Variants in KCNQ1 observed in about 807,000 individuals in gnomAD.
KCNQ1 encodes potassium voltage-gated channel subfamily KQT member 1.
A neutral mutation model predicts 72.4 loss-of-function variants in KCNQ1; 49 were observed. That is an observed-to-expected ratio of 0.68 (90% confidence interval 0.54 to 0.86). The LOEUF is 0.86. Among genes scored for constraint, KCNQ1 ranks in the 40% least tolerant of loss-of-function variants. The pLI is 0.00. For synonymous variants in KCNQ1, 450 were observed against 412.6 expected (o/e 1.09, Z -1.10); for missense variants, 790 against 945.1 (o/e 0.84, Z 2.15).
rs1325968388 is a variant in KCNQ1 at position 2,815,133 on chromosome 11, C to G, written c.1795-32634C>G. On this transcript the variant is annotated intron_variant, in intron 15 of 15. Transcript: ENST00000155840. This position sits in a 1 kb window ranked among gnomAD's most constrained non-coding sequence, Gnocchi z 5.4. ...TCTCAACAGCCTTATGTGGTCAGTA[C>G]CAATCCCTCCCCAAATTACCCCCAT... Among the ~76,000 whole-genome samples, 4 of 152,234 alleles carry G rather than the reference C, an allele frequency of 2.6e-5. No individual in the cohort carries two copies. Among genetic ancestry groups the G allele is most frequent in the Non-Finnish European group, 5.9e-5 (4 of 68,040 alleles).
intron 10 of KCNQ1, chr11:2,634,940 G>C (rs1849433382): frequency 6.6e-6 from 1 of 152,210 alleles, no homozygotes; most frequent in Non-Finnish European, 1.5e-5. Context: ...CAGTGATGAT[G>C]AGCATTTTTT....
At chr11:2,505,208 C>G (rs752796553) in intron 1 of KCNQ1, among the ~76,000 whole-genome samples, 2 of 152,156 alleles carry the variant, frequency 1.3e-5, no homozygotes, top group Non-Finnish European at 2.9e-5. Flanking sequence ...TTCTGATGCT[C>G]TCTCTCCCTC....
Position 2,848,582 on chromosome 11 carries a change from C to T in KCNQ1, c.*579C>T, listed in dbSNP as rs1291329387. 2.2e-6 allele frequency: 1 copy of T among 453,860 alleles called. No individual in the cohort carries two copies. Among genetic ancestry groups the T allele is most frequent in the Non-Finnish European group, 4.4e-6 (1 of 226,658 alleles). The allele number at this position is 453,860 out of a possible 1,614,324, so 28.1% of individuals were successfully genotyped here. On this transcript the variant is annotated 3_prime_UTR_variant, in exon 16 of 16. Transcript: ENST00000155840. ...TGGGCAGGAGACTGTGGAGACTGCT[C>T]CTGAGCCCCCAGCTTCCAGCAGGAG...
Position 2,541,138 on chromosome 11 carries a change from GGA to G in KCNQ1, c.477+13127_477+13128del, listed in dbSNP as rs1422753737. Reference sequence around the variant, plus strand: ...CCAGCCCTGGACCTCAGGCAGGCAGGGAGAGAGACCCCCTTGGGGCCGCGTTC... The same window carrying G: ...CCAGCCCTGGACCTCAGGCAGGCAGGGAGAGACCCCCTTGGGGCCGCGTTC... On this transcript the variant is annotated intron_variant, in intron 2 of 15. Transcript: ENST00000155840. The surrounding 1 kb of genome is among the most constrained non-coding windows in gnomAD (Gnocchi z 4.8). Among the ~76,000 whole-genome samples the G allele has an allele frequency of 6.6e-6, 1 of 152,256 alleles. No homozygotes were observed. Among genetic ancestry groups the G allele is most frequent in the Non-Finnish European group, 1.5e-5 (1 of 68,048 alleles).
rs1370021714 is a variant in KCNQ1 at position 2,544,383 on chromosome 11, TGC to T, written c.477+16366_477+16367del. Among the ~76,000 whole-genome samples, 4 of 106,800 alleles carry T rather than the reference TGC, an allele frequency of 3.7e-5. No individual in the cohort carries two copies. The highest frequency in any genetic ancestry group is 7.6e-5 in the African/African-American group (2 of 26,358). The allele number at this position is 106,800 out of a possible 152,430, so 70.1% of individuals were successfully genotyped here. ...GTATATATATGTGTATATATATGTG[TGC>T]ATATATGTGTATATATGTGTGTGTA... On this transcript the variant is annotated intron_variant, in intron 2 of 15. Coordinates refer to ENST00000155840, the MANE Select transcript of KCNQ1 (RefSeq NM_000218.3). This position sits in a 1 kb window ranked among gnomAD's most constrained non-coding sequence, Gnocchi z 4.4.
At chr11:2,714,498 C>T (rs1851056371) in intron 11 of KCNQ1, among the ~76,000 whole-genome samples, 2 of 152,158 alleles carry the variant, frequency 1.3e-5, no homozygotes, top group Admixed American at 1.3e-4. Context: ...TCTGAATCCC[C>T]AGGGCTGGGC....
Position 2,848,854 on chromosome 11 carries a change from A to C in KCNQ1, c.*851A>C, listed in dbSNP as rs1224241650. On this transcript the variant is annotated 3_prime_UTR_variant, in exon 16 of 16. Transcript: ENST00000155840. ...AGAGAAGTGACGGTTCCTACACAGGACAGGGGTTCCTTCTGGGCATTACAT... is the reference window on the plus strand; with the variant it reads ...AGAGAAGTGACGGTTCCTACACAGGCCAGGGGTTCCTTCTGGGCATTACAT... 1 of 454,064 alleles carries C rather than the reference A, an allele frequency of 2.2e-6. No individual in the cohort carries two copies. Among genetic ancestry groups the C allele is most frequent in the African/African-American group, 2.0e-5 (1 of 50,020 alleles). The allele number at this position is 454,064 out of a possible 1,614,324, so 28.1% of individuals were successfully genotyped here.
chr11:2,746,609 C>T lies in KCNQ1; in HGVS notation c.1515-22235C>T, dbSNP rs983961489. On this transcript the variant is annotated intron_variant, in intron 11 of 15. Transcript: ENST00000155840. The surrounding 1 kb of genome is among the most constrained non-coding windows in gnomAD (Gnocchi z 5.9). Reference sequence around the variant, plus strand: ...GTCTGCTGCTGTCCTCACGATTCGACTGGGCTGTGGGTGTGAGGAGGGAGA... The same window carrying T: ...GTCTGCTGCTGTCCTCACGATTCGATTGGGCTGTGGGTGTGAGGAGGGAGA... 1.3e-5 allele frequency among the ~76,000 whole-genome samples: 2 copies of T among 152,214 alleles called. No individual in the cohort carries two copies. The highest frequency in any genetic ancestry group is 4.8e-5 in the African/African-American group (2 of 41,460).
At chr11:2,638,512 T>G (rs1284226502) in intron 10 of KCNQ1, 1 of 152,196 alleles carries the variant, frequency 6.6e-6, no homozygotes, top group African/African-American at 2.4e-5. Flanking sequence ...CCCCACTCTC[T>G]TCTGGCTTGT....
At position 2,673,168 on chromosome 11, in the gene KCNQ1, G is replaced by C. The variant is rs1348144233; in HGVS notation, c.1514+11087G>C. The C allele has an allele frequency of 2.5e-6, 1 of 398,630 alleles. No homozygotes were observed. Among genetic ancestry groups the C allele is most frequent in the African/African-American group, 2.1e-5 (1 of 48,628 alleles). The allele number at this position is 398,630 out of a possible 1,614,324, so 24.7% of individuals were successfully genotyped here. A position where few individuals can be genotyped will look rare whatever the true frequency, so the allele number is the denominator to read the frequency against. On this transcript the variant is annotated intron_variant, in intron 11 of 15. Coordinates refer to ENST00000155840, the MANE Select transcript of KCNQ1 (RefSeq NM_000218.3). This position sits in a 1 kb window ranked among gnomAD's most constrained non-coding sequence, Gnocchi z 4.5. Reference sequence around the variant, plus strand: ...ATCCCTGACCCAAGCACGAGGATCAGAATGGGCCCTGGAGCCAAGGCCAAA... The same window carrying C: ...ATCCCTGACCCAAGCACGAGGATCACAATGGGCCCTGGAGCCAAGGCCAAA...
At chr11:2,793,130 G>A (rs964287927) in intron 15 of KCNQ1, among the ~76,000 whole-genome samples, 3 of 152,196 alleles carry the variant, frequency 2.0e-5, no homozygotes, top group South Asian at 2.1e-4. Flanking sequence ...ACCCATCCTC[G>A]CTGGGCTACA....
In KCNQ1 at chr11:2,733,857, C is replaced by CTCTCTCTCTCTCTCTCTCTCTCTCTCTCT. The variant is rs147278439; in HGVS notation, c.1515-34987_1515-34986insTCTCTCTCTCTCTCTCTCTCTCTCTCTCT. 1.0e-4 allele frequency among the ~76,000 whole-genome samples: 8 copies of CTCTCTCTCTCTCTCTCTCTCTCTCTCTCT among 76,320 alleles called. 1 individual carries two copies. The highest frequency in any genetic ancestry group is 1.5e-4 in the Non-Finnish European group (6 of 39,518). The allele number at this position is 76,320 out of a possible 152,430, so 50.1% of individuals were successfully genotyped here. ...TCTCTCTCTCTCTCTCTCTCTCTCT[C>CTCTCTCTCTCTCTCTCTCTCTCTCTCTCT]CCCCCCCACTTCAGGGCCTTCGCGC... is the stretch of plus-strand genomic sequence containing the variant. On this transcript the variant is annotated intron_variant, in intron 11 of 15. Coordinates refer to ENST00000155840, the MANE Select transcript of KCNQ1 (RefSeq NM_000218.3).
chr11:2,644,258 C>T (rs1033906451), intron 10 of KCNQ1: 1 of 398,376 alleles, frequency 2.5e-6, no homozygotes, highest in South Asian at 1.3e-4. Context: ...AGTCACATAG[C>T]CTTTGTTCAT....
At chr11:2,666,756 CTG>C (rs1488999037) in intron 11 of KCNQ1, 2 of 398,684 alleles carry the variant, frequency 5.0e-6, no homozygotes, top group Admixed American at 4.4e-5. Flanking sequence ...CACTGCAGCT[CTG>C]TGAGTGTCTA....
chr11:2,834,191 TGGCTGG>T lies in KCNQ1; in HGVS notation c.1795-13562_1795-13557del, dbSNP rs891149389. ...GTGGCACATGGTGTGGCACATGGCA[TGGCTGG>T]GGCTGGGGCTGGGTTGTGTAGCATG... On this transcript the variant is annotated intron_variant, in intron 15 of 15. Transcript: ENST00000155840. Among the ~76,000 whole-genome samples the T allele has an allele frequency of 1.7e-3, 264 of 152,176 alleles. 1 individual carries two copies. Among genetic ancestry groups the T allele is most frequent in the African/African-American group, 5.9e-3 (243 of 41,518 alleles).
chr11:2,469,808 G>T (rs1304566144), intron 1 of KCNQ1, among the ~76,000 whole-genome samples: 2 of 152,008 alleles, frequency 1.3e-5, no homozygotes, highest in East Asian at 3.9e-4. Flanking sequence ...CGAGTAGCTG[G>T]GACTACAGGC....
intron 1 of KCNQ1, among the ~76,000 whole-genome samples, chr11:2,518,113 G>A (rs1452146981): frequency 1.3e-5 from 2 of 152,272 alleles, no homozygotes; most frequent in Non-Finnish European, 2.9e-5. Flanking sequence ...TCACAAACGT[G>A]CATCCCACGC....
rs961559398 is a variant in KCNQ1, at chr11:2,662,599, G to A, written c.1514+518G>A. The A allele has an allele frequency of 3.6e-5, 15 of 416,920 alleles. No homozygotes were observed. The highest frequency in any genetic ancestry group is 7.8e-5 in the Admixed American group (2 of 25,508). The allele number at this position is 416,920 out of a possible 1,614,324, so 25.8% of individuals were successfully genotyped here. A position where few individuals can be genotyped will look rare whatever the true frequency, so the allele number is the denominator to read the frequency against. On this transcript the variant is annotated intron_variant, in intron 11 of 15. Transcript: ENST00000155840. The stretch of plus-strand genomic sequence containing the variant: ...CTGGGATGCATGCCCGTCCTCCCCC[G>A]CCGTCACGGCATGGCCAGGCCAATC...
At chr11:2,761,369 C>T (rs1846393275) in intron 11 of KCNQ1, among the ~76,000 whole-genome samples, 1 of 152,092 alleles carries the variant, frequency 6.6e-6, no homozygotes, top group African/African-American at 2.4e-5. Context: ...CCGATGTGTT[C>T]CTCTTGATGT....
Sources: gnomAD v4.1 joint callset for allele counts (sites outside exome capture counted in the v4.1 genomes callset) on GRCh38, gnomAD v4.1.1 for gene constraint, Gnocchi (gnomAD v3.1) non-coding constraint, MANE v1.5 for transcripts, NCBI Gene and HGNC (gene_info 2026-07-23, HGNC 2026-07-21) for gene names.